The following PTP4A3 variants were observed in gnomAD, a reference collection of about 807,000 sequenced individuals.
PTP4A3 encodes protein tyrosine phosphatase 4A3, also known as protein tyrosine phosphatase type IVA 3.
PTP4A3 carries 9 observed loss-of-function variants against 15.2 expected under a neutral mutation model. The ratio of observed to expected loss-of-function variants is 0.59; its 90% CI spans 0.36 to 1.03. The LOEUF is 1.03. Ranked by LOEUF, PTP4A3 falls within the 50% of genes least tolerant of loss-of-function variation. The pLI, the probability that PTP4A3 is intolerant of heterozygous loss-of-function variation, is 0.02. For missense variants in PTP4A3, 234 were observed against 252.1 expected (o/e 0.93, Z 0.49); for synonymous variants, 95 against 102.0 (o/e 0.93, Z 0.41).
chr8:141,405,806 T>A (rs1221812831), intron 1 of PTP4A3, among the ~76,000 whole-genome samples: 1 of 151,480 alleles, frequency 6.6e-6, no homozygotes, highest in Non-Finnish European at 1.5e-5. Context: ...ATGCTGAACC[T>A]GAGATCCGAG....
At chr8:141,416,817 G>T (rs1833070796) in intron 1 of PTP4A3, among the ~76,000 whole-genome samples, 1 of 151,834 alleles carries the variant, frequency 6.6e-6, no homozygotes, top group Non-Finnish European at 1.5e-5. Flanking sequence ...GGCTGATGGT[G>T]ATGTTTTCTG....
intron 1 of PTP4A3, among the ~76,000 whole-genome samples, chr8:141,397,853 C>T (rs1178340649): frequency 6.6e-6 from 1 of 152,232 alleles, no homozygotes; most frequent in African/African-American, 2.4e-5. Context: ...GCCCCTGGTT[C>T]TGAGGGCTTG....
In PTP4A3 at chr8:141,406,800, A is replaced by G. The variant is rs1832738089; in HGVS notation, c.-853-14588A>G. Among the ~76,000 whole-genome samples the G allele has an allele frequency of 6.6e-6, 1 of 152,036 alleles. No individual in the cohort carries two copies. Among genetic ancestry groups the G allele is most frequent in the African/African-American group, 2.4e-5 (1 of 41,380 alleles). On this transcript the variant is annotated intron_variant, in intron 1 of 5. Transcript: ENST00000521578. This position sits in a 1 kb window ranked among gnomAD's most constrained non-coding sequence, Gnocchi z 4.5. Reference sequence around the variant, plus strand: ...AAGGGCTGTAGGCACTTCGCCCTGAATCCTCCTCTGAGCCGGCTTTGCCTC... The same window carrying G: ...AAGGGCTGTAGGCACTTCGCCCTGAGTCCTCCTCTGAGCCGGCTTTGCCTC...
intron 5 of PTP4A3, among the ~76,000 whole-genome samples, chr8:141,430,463 G>C (rs1417405443): frequency 8.6e-5 from 13 of 151,788 alleles, no homozygotes; most frequent in Non-Finnish European, 1.9e-4. Context: ...AGGACCAGGT[G>C]GTGGGGATGG....
At chr8:141,415,303 CCA>C (rs1171431190) in intron 1 of PTP4A3, among the ~76,000 whole-genome samples, 1 of 151,988 alleles carries the variant, frequency 6.6e-6, no homozygotes, top group Admixed American at 6.5e-5. Context: ...TGGACAGCCC[CCA>C]GTCTTTCCCC....
At chr8:141,395,980 C>T (rs543340725) in intron 1 of PTP4A3, among the ~76,000 whole-genome samples, 2 of 152,324 alleles carry the variant, frequency 1.3e-5, no homozygotes, top group East Asian at 3.9e-4. Flanking sequence ...GGGCTGCCTC[C>T]CCTCTCCCAC....
At chr8:141,393,156 G>C (rs1832340101) in intron 1 of PTP4A3, among the ~76,000 whole-genome samples, 1 of 152,178 alleles carries the variant, frequency 6.6e-6, no homozygotes, top group Non-Finnish European at 1.5e-5. Context: ...CTGAGTTCCT[G>C]CAATCCTCCC....
At chr8:141,418,293 T>G (rs1486941782) in intron 1 of PTP4A3, among the ~76,000 whole-genome samples, 1 of 152,228 alleles carries the variant, frequency 6.6e-6, no homozygotes, top group Non-Finnish European at 1.5e-5. Context: ...GGGCGCCCTG[T>G]CTGAAGCGGG....
chr8:141,411,214 C>G (rs1167681143), intron 1 of PTP4A3, among the ~76,000 whole-genome samples: 1 of 152,232 alleles, frequency 6.6e-6, no homozygotes, highest in East Asian at 1.9e-4. Context: ...AGGTCTGGTT[C>G]TTTGTCAACC....
chr8:141,399,159 T>G (rs1832523344), intron 1 of PTP4A3, among the ~76,000 whole-genome samples: 1 of 152,104 alleles, frequency 6.6e-6, no homozygotes, highest in Non-Finnish European at 1.5e-5. Context: ...ACGGTGTGCT[T>G]TACCTGCTCA....
chr8:141,429,672 C>T (rs574934424), intron 5 of PTP4A3, among the ~76,000 whole-genome samples: 1,558 of 97,166 alleles, frequency 0.016, 210 homozygotes, highest in African/African-American at 0.059. Context: ...GTCCAGTCCC[C>T]GCTGTAAGGA....
Position 141,431,029 on chromosome 8 carries a change from G to A in PTP4A3, c.507G>A (p.Arg169=). Residue 169 remains arginine, a synonymous_variant, in exon 6 of 6, where the codon CGG becomes CGA. Coordinates refer to ENST00000521578, the MANE Select transcript of PTP4A3 (RefSeq NM_032611.3). ...AAGACCCACACACGCACAAGACCCG[G>A]TGCTGCGTTATGTAGCTCAGGACCT... ...RFKDPHTHKT[R]CCVM is the part of the protein sequence containing the mutation. 6.2e-7 allele frequency: 1 copy of A among 1,613,190 alleles called. No individual in the cohort carries two copies. The highest frequency in any genetic ancestry group is 8.5e-7 in the Non-Finnish European group (1 of 1,179,940).
At chr8:141,424,464 C>G (rs1233630901) in intron 2 of PTP4A3, among the ~76,000 whole-genome samples, 1 of 152,120 alleles carries the variant, frequency 6.6e-6, no homozygotes, top group Non-Finnish European at 1.5e-5. Flanking sequence ...GATGCCCGCC[C>G]CTCTTAGACC....
At chr8:141,402,309 C>A (rs1292587118) in intron 1 of PTP4A3, among the ~76,000 whole-genome samples, 1 of 152,194 alleles carries the variant, frequency 6.6e-6, no homozygotes, top group Non-Finnish European at 1.5e-5. Flanking sequence ...CCCTCTGGCG[C>A]CCTGCTCAGG....
At chr8:141,405,962 G>A (rs1460030710) in intron 1 of PTP4A3, among the ~76,000 whole-genome samples, 1 of 152,176 alleles carries the variant, frequency 6.6e-6, no homozygotes, top group East Asian at 1.9e-4. Context: ...AGCAGATGAG[G>A]AGAGGGGAGT....
intron 1 of PTP4A3, among the ~76,000 whole-genome samples, chr8:141,414,621 T>TGGG (rs55699226): frequency 8.3e-6 from 1 of 120,330 alleles, no homozygotes; most frequent in African/African-American, 3.3e-5. Flanking sequence ...AGCCCTGGAC[T>TGGG]GGGGGGGGGG....
In PTP4A3 at chr8:141,427,089, A is replaced by G. The variant is rs2130300270; in HGVS notation, c.329+20A>G. 1 of 1,590,724 alleles carries G rather than the reference A, an allele frequency of 6.3e-7. No homozygotes were observed. Among genetic ancestry groups the G allele is most frequent in the Non-Finnish European group, 8.5e-7 (1 of 1,175,336 alleles). On this transcript the variant is annotated intron_variant, in intron 4 of 5. Coordinates refer to ENST00000521578, the MANE Select transcript of PTP4A3 (RefSeq NM_032611.3). ...GGGCCGGTGAGTGTCGGGGCGGGGTAGGGCTCGCCATGTCAGGTGGTTGGG... is the reference window on the plus strand; with the variant it reads ...GGGCCGGTGAGTGTCGGGGCGGGGTGGGGCTCGCCATGTCAGGTGGTTGGG...
chr8:141,415,976 G>A (rs1047715351), intron 1 of PTP4A3, among the ~76,000 whole-genome samples: 28 of 152,054 alleles, frequency 1.8e-4, no homozygotes, highest in African/African-American at 5.8e-4. Context: ...TTCCAGGAAC[G>A]GCTCCTGCCT....
chr8:141,408,748 T>C (rs936524980), intron 1 of PTP4A3, among the ~76,000 whole-genome samples: 1 of 151,856 alleles, frequency 6.6e-6, no homozygotes, highest in African/African-American at 2.4e-5. Context: ...TAAAATAGGG[T>C]GAAAGTGTCG....
Sources: gnomAD v4.1 joint callset for allele counts (sites outside exome capture counted in the v4.1 genomes callset) on GRCh38, gnomAD v4.1.1 for gene constraint, Gnocchi (gnomAD v3.1) non-coding constraint, MANE v1.5 for transcripts, NCBI Gene and HGNC (gene_info 2026-07-23, HGNC 2026-07-21) for gene names.